MRPL42: variants seen among roughly 807,000 people sequenced by gnomAD.
MRPL42 encodes large ribosomal subunit protein mL42.
A neutral mutation model predicts 17.9 loss-of-function variants in MRPL42; 17 were observed. That is an observed-to-expected ratio of 0.95 (90% CI 0.65 to 1.42). The LOEUF is 1.42. Ranked by LOEUF, MRPL42 falls within the 40% of genes most tolerant of loss-of-function variation. The pLI is 0.00. For synonymous variants in MRPL42, 59 were observed against 54.4 expected (o/e 1.08, Z -0.37); for missense variants, 177 against 175.2 (o/e 1.01, Z -0.06).
intron 4 of MRPL42, among the ~76,000 whole-genome samples, chr12:93,483,482 A>G (rs940548692): frequency 4.6e-5 from 7 of 152,344 alleles, no homozygotes; most frequent in African/African-American, 1.7e-4. Flanking sequence ...ACTATAGGCA[A>G]TTGTAACACA....
intron 4 of MRPL42, among the ~76,000 whole-genome samples, chr12:93,479,982 A>G (rs906763176): frequency 6.6e-6 from 1 of 150,690 alleles, no homozygotes; most frequent in Non-Finnish European, 1.5e-5. Flanking sequence ...CCTATTTTTT[A>G]AAAAGCCAAG....
At chr12:93,494,491 A>G (rs1953459241) in intron 5 of MRPL42, among the ~76,000 whole-genome samples, 1 of 152,208 alleles carries the variant, frequency 6.6e-6, no homozygotes, top group African/African-American at 2.4e-5. Flanking sequence ...TTTTGGCCCA[A>G]GCACCTAGAA....
intron 3 of MRPL42, among the ~76,000 whole-genome samples, chr12:93,478,930 AT>A (rs1169848624): frequency 3.4e-4 from 50 of 147,750 alleles, no homozygotes; most frequent in Non-Finnish European, 7.1e-4. Flanking sequence ...TTATTTATTT[AT>A]TTATTTATTT....
rs1953736147 is a variant in MRPL42, at chr12:93,512,742, CTA to C, written c.*11523_*11524del. ...TGCACATCTGTAAGAAGTAATCAAA[CTA>C]TTGTGAATTTGATAGAATGCTTTAA... On this transcript the variant is annotated 3_prime_UTR_variant, in exon 6 of 6. Transcript: ENST00000549982. The C allele has an allele frequency of 1.3e-5, 2 of 152,174 alleles. No homozygotes were observed. The highest frequency in any genetic ancestry group is 6.5e-5 in the Admixed American group (1 of 15,280). The allele number at this position is 152,174 out of a possible 1,614,324, so 9.4% of individuals were successfully genotyped here.
chr12:93,487,008 C>T (rs1466315510), intron 4 of MRPL42, among the ~76,000 whole-genome samples: 1 of 151,894 alleles, frequency 6.6e-6, no homozygotes, highest in Non-Finnish European at 1.5e-5. Flanking sequence ...TTCACTCTGT[C>T]ACCCAGGCTG....
chr12:93,470,666 C>T, intron 2 of MRPL42: 2 of 660,932 alleles, frequency 3.0e-6, no homozygotes, highest in Non-Finnish European at 4.0e-6. Context: ...ATCTTTGTGT[C>T]CATATGTACC....
intron 2 of MRPL42, 78 bp downstream of exon 2, chr12:93,469,433 T>C: frequency 9.9e-7 from 1 of 1,007,324 alleles, no homozygotes; most frequent in Admixed American, 2.6e-5. Flanking sequence ...TTAGTTATTG[T>C]ATATGCCTGT....
At chr12:93,485,019 T>TACAC (rs1880668749) in intron 4 of MRPL42, among the ~76,000 whole-genome samples, 5 of 43,700 alleles carry the variant, frequency 1.1e-4, no homozygotes, top group Non-Finnish European at 1.8e-4. Flanking sequence ...TATATATATA[T>TACAC]ATATATATAA....
Position 93,515,368 on chromosome 12 carries a change from ATT to A in MRPL42, c.*14164_*14165del, listed in dbSNP as rs10711891. On this transcript the variant is annotated 3_prime_UTR_variant, in exon 6 of 6. Transcript: ENST00000549982. ...TAAAAATTAATAGGCCTTGGCAACT[ATT>A]TTTTTTTTTTTTTTTTGAGACAGAG... 1,109 of 131,734 alleles carry A rather than the reference ATT, an allele frequency of 8.4e-3. 6 individuals are homozygous for A. Among genetic ancestry groups the A allele is most frequent in the South Asian group, 0.039 (153 of 3,968 alleles). 8.2% of individuals were successfully genotyped at this position (131,734 alleles called of 1,614,324 possible).
At chr12:93,488,758 A>G (rs974936950) in intron 5 of MRPL42, among the ~76,000 whole-genome samples, 1 of 152,066 alleles carries the variant, frequency 6.6e-6, no homozygotes, top group African/African-American at 2.4e-5. Flanking sequence ...CTCTGGCATT[A>G]ATTAGTTTTC....
rs1435163956 is a variant in MRPL42 at position 93,501,553 on chromosome 12, T to TA, written c.*333dup. ...CTTTATTATAAAACGGGCTTCGTGT[T>TA]AGATAATTTTGCTAAACAGTAGGCT... On this transcript the variant is annotated 3_prime_UTR_variant, in exon 6 of 6. Transcript: ENST00000549982. 1 of 169,776 alleles carries TA rather than the reference T, an allele frequency of 5.9e-6. No individual in the cohort carries two copies. The highest frequency in any genetic ancestry group is 1.2e-5 in the Non-Finnish European group (1 of 80,196). 10.5% of individuals were successfully genotyped at this position (169,776 alleles called of 1,614,324 possible).
At chr12:93,479,788 C>G (rs1303826074) in intron 4 of MRPL42, among the ~76,000 whole-genome samples, 1 of 151,140 alleles carries the variant, frequency 6.6e-6, no homozygotes, top group Non-Finnish European at 1.5e-5. Flanking sequence ...CCCATGCTAC[C>G]CCATATTATA....
At position 93,509,383 on chromosome 12, in the gene MRPL42, T is replaced by C. The variant is rs1353381751; in HGVS notation, c.*8162T>C. ...TGCATTTCTCTGATGATCAATAACA[T>C]TAAGTTTTGATTCAGGTACTTGTTG... On this transcript the variant is annotated 3_prime_UTR_variant, in exon 6 of 6. Transcript: ENST00000549982. 2 of 152,200 alleles carry C rather than the reference T, an allele frequency of 1.3e-5. No homozygotes were observed. The highest frequency in any genetic ancestry group is 2.9e-5 in the Non-Finnish European group (2 of 68,028). The allele number at this position is 152,200 out of a possible 1,614,324, so 9.4% of individuals were successfully genotyped here. A position where few individuals can be genotyped will look rare whatever the true frequency, so the allele number is the denominator to read the frequency against.
chr12:93,488,369 T>G (rs1158844528), intron 5 of MRPL42: 1 of 398,394 alleles, frequency 2.5e-6, no homozygotes, highest in Non-Finnish European at 4.4e-6. Context: ...CAGCTGGGAT[T>G]GTAAGAATGA....
chr12:93,479,529 T>A (rs1880356075), intron 4 of MRPL42, 57 bp downstream of exon 4: 3 of 1,123,452 alleles, frequency 2.7e-6, no homozygotes. Flanking sequence ...TGTTTGCACT[T>A]CTTTATAGTA....
intron 5 of MRPL42, chr12:93,488,622 G>A (rs932647837): frequency 4.0e-5 from 10 of 249,412 alleles, no homozygotes; most frequent in South Asian, 1.8e-4. Flanking sequence ...TTGAGTTATC[G>A]AAAAAAACAT....
At chr12:93,486,969 A>G (rs2121231372) in intron 4 of MRPL42, among the ~76,000 whole-genome samples, 1 of 151,350 alleles carries the variant, frequency 6.6e-6, no homozygotes, top group Admixed American at 6.6e-5. Flanking sequence ...CGGCCTTTCT[A>G]TTTTTCTTTC....
rs1555203255 is a variant in MRPL42, at chr12:93,509,452, C to CA, written c.*8231_*8232insA. 1.5e-3 allele frequency: 229 copies of CA among 149,936 alleles called. No homozygotes were observed. Among genetic ancestry groups the CA allele is most frequent in the African/African-American group, 5.3e-3 (218 of 40,848 alleles). 9.3% of individuals were successfully genotyped at this position (149,936 alleles called of 1,614,324 possible). A position where few individuals can be genotyped will look rare whatever the true frequency, so the allele number is the denominator to read the frequency against. The stretch of plus-strand genomic sequence containing the variant: ...GAAATATCTGTTCAAATCATTTGCT[C>CA]TTTTTTTTTTCTTAGCACTTAAAAA... On this transcript the variant is annotated 3_prime_UTR_variant, in exon 6 of 6. Coordinates refer to ENST00000549982, the MANE Select transcript of MRPL42 (RefSeq NM_014050.4).
rs553478043 is a variant in MRPL42, at chr12:93,515,584, G to A, written c.*14363G>A. 2.0e-4 allele frequency: 30 copies of A among 152,242 alleles called. No homozygotes were observed. The highest frequency in any genetic ancestry group is 6.7e-4 in the African/African-American group (28 of 41,516). The allele number at this position is 152,242 out of a possible 1,614,324, so 9.4% of individuals were successfully genotyped here. On this transcript the variant is annotated 3_prime_UTR_variant, in exon 6 of 6. Coordinates refer to ENST00000549982, the MANE Select transcript of MRPL42 (RefSeq NM_014050.4). ...GAGTTTCGCCATTCTGGCCAGGCTG[G>A]TCTCGAGCTCCTGACCTCAAGTGAT...
Sources: allele counts gnomAD v4.1 joint callset (sites outside exome capture counted in the v4.1 genomes callset), GRCh38; gene constraint gnomAD v4.1.1; transcripts MANE v1.5; gene names NCBI Gene and HGNC (gene_info 2026-07-23, HGNC 2026-07-21).